The following B3GALT2 variants were observed in gnomAD, a reference collection of about 807,000 sequenced individuals.
The protein encoded by B3GALT2 is UDP-Gal:betaGlcNAc beta 1,3-galactosyltransferase, polypeptide 2.
Under a neutral mutation model 33.5 loss-of-function variants are expected in B3GALT2, and 13 were observed. The observed-to-expected ratio is 0.39, with a 90% CI of 0.25 to 0.62. The LOEUF is 0.62. Among genes scored for constraint, B3GALT2 ranks in the 20% least tolerant of loss-of-function variants. The pLI, the probability that B3GALT2 is intolerant of heterozygous loss-of-function variation, is 0.53. For synonymous variants in B3GALT2, 195 were observed against 172.7 expected (o/e 1.13, Z -1.01); for missense variants, 418 against 509.1 (o/e 0.82, Z 1.72).
chr1:193,182,548 T>C (rs1676734877), intron 1 of B3GALT2, among the ~76,000 whole-genome samples: 1 of 152,178 alleles, frequency 6.6e-6, no homozygotes, highest in Non-Finnish European at 1.5e-5. Context: ...TTTTTAAATA[T>C]CCTTGAGTTG....
At position 193,180,217 on chromosome 1, in the gene B3GALT2, A is replaced by G; in HGVS notation, c.*77T>C. On this transcript the variant is annotated 3_prime_UTR_variant, in exon 2 of 2. Transcript: ENST00000367434. ...ATGAGTTTTAACTAAAACTTGTCCT[A>G]CGGATGTAATCAGTTCTAACTATAC... 1 of 1,279,990 alleles carries G rather than the reference A, an allele frequency of 7.8e-7. No individual in the cohort carries two copies. The highest frequency in any genetic ancestry group is 1.0e-6 in the Non-Finnish European group (1 of 954,424). 79.3% of individuals were successfully genotyped at this position (1,279,990 alleles called of 1,614,324 possible). A position where few individuals can be genotyped will look rare whatever the true frequency, so the allele number is the denominator to read the frequency against.
At chr1:193,184,639 A>G (rs1258177659) in intron 1 of B3GALT2, among the ~76,000 whole-genome samples, 6 of 151,934 alleles carry the variant, frequency 3.9e-5, no homozygotes, top group Non-Finnish European at 5.9e-5. Context: ...AGAAAAACTT[A>G]CACTTTTGTT....
At position 193,186,462 on chromosome 1, in the gene B3GALT2, T is replaced by C. The variant is rs1676809284; in HGVS notation, c.-564A>G. ...CCAGAGCTAAAATGTAGTGCTTCAG[T>C]TGTATTGGAAAAGAATAGGATTTAC... On this transcript the variant is annotated 5_prime_UTR_variant, in exon 1 of 2. Coordinates refer to ENST00000367434, the MANE Select transcript of B3GALT2 (RefSeq NM_003783.3). 1 of 152,438 alleles carries C rather than the reference T, an allele frequency of 6.6e-6. No individual in the cohort carries two copies. The highest frequency in any genetic ancestry group is 2.4e-5 in the African/African-American group (1 of 41,398). 9.4% of individuals were successfully genotyped at this position (152,438 alleles called of 1,614,324 possible). A position where few individuals can be genotyped will look rare whatever the true frequency, so the allele number is the denominator to read the frequency against.
intron 1 of B3GALT2, among the ~76,000 whole-genome samples, chr1:193,184,276 AT>A (rs1015132094): frequency 1.3e-5 from 2 of 151,864 alleles, no homozygotes; most frequent in African/African-American, 2.4e-5. Flanking sequence ...GGTCTTATAA[AT>A]TTTTTTGTTA....
Position 193,181,583 on chromosome 1 carries a change from G to A in B3GALT2, c.-21C>T, listed in dbSNP as rs747218269. On this transcript the variant is annotated 5_prime_UTR_variant, in exon 2 of 2. Coordinates refer to ENST00000367434, the MANE Select transcript of B3GALT2 (RefSeq NM_003783.3). ...AGCATGTTGTAAATATCCAGTAGTG[G>A]TATATGAGAGATTGGTGACCAAAAA... 16 of 1,537,300 alleles carry A rather than the reference G, an allele frequency of 1.0e-5. No homozygotes were observed. The highest frequency in any genetic ancestry group is 1.4e-5 in the Non-Finnish European group (16 of 1,146,672).
Position 193,180,708 on chromosome 1 carries a change from T to G in B3GALT2, c.855A>C (p.Gly285=). 6.2e-7 allele frequency: 1 copy of G among 1,614,134 alleles called. No individual in the cohort carries two copies. The highest frequency in any genetic ancestry group is 1.1e-5 in the South Asian group (1 of 91,084). Residue 285 remains glycine, a synonymous_variant, in exon 2 of 2, where the codon GGA becomes GGC. Transcript: ENST00000367434. ...TATCTTTGTTTCGATTGGGTGCATA[T>G]CCTCGCATTAGGTAACCAGTGAAAT... The part of the protein sequence containing the change: ...HNYFTGYLMR[G]YAPNRNKDSK...
intron 1 of B3GALT2, among the ~76,000 whole-genome samples, chr1:193,183,022 TGA>T (rs752687787): frequency 3.3e-5 from 5 of 152,022 alleles, no homozygotes; most frequent in East Asian, 1.9e-4. Context: ...CCTGTGATAA[TGA>T]GAGAGTCATG....
At chr1:193,184,974 C>CTT (rs915191973) in intron 1 of B3GALT2, among the ~76,000 whole-genome samples, 1 of 151,912 alleles carries the variant, frequency 6.6e-6, no homozygotes, top group Non-Finnish European at 1.5e-5. Context: ...TTAGAAATAT[C>CTT]TTTAAGTTCT....
chr1:193,181,073 T>C lies in B3GALT2; in HGVS notation c.490A>G (p.Ile164Val), dbSNP rs1364767149. ...ILLIAAEPGQ[I>V]EARRAIRQTW... is the part of the protein sequence containing the mutation. ...TGCCGAATAGCTCTTCTAGCTTCTA[T>C]TTGTCCAGGCTCTGCAGCTATTAGT... Residue 164 changes from isoleucine to valine, a missense_variant, in exon 2 of 2, where the codon ATA becomes GTA. Physicochemically the swap from Ile to Val is conservative, Grantham distance 29 (BLOSUM62 3). Around this residue, in one of 3 missense-constraint regions of B3GALT2, gnomAD observed 188 missense variants for 197.5 expected, o/e 0.95. Transcript: ENST00000367434. The C allele has an allele frequency of 1.2e-6, 2 of 1,613,958 alleles. No homozygotes were observed. The highest frequency in any genetic ancestry group is 4.5e-5 in the East Asian group (2 of 44,904).
intron 1 of B3GALT2, among the ~76,000 whole-genome samples, chr1:193,182,520 T>C (rs1288535481): frequency 6.6e-6 from 1 of 152,192 alleles, no homozygotes; most frequent in African/African-American, 2.4e-5. Flanking sequence ...TTTAAAATTC[T>C]GAATTTCACA....
rs979150081 is a variant in B3GALT2, at chr1:193,186,610, A to T, written c.-712T>A. ...GCTGCACAGGCAGGCAGCAGTTTAA[A>T]TGTGGGCTTGACAGATGCTCTCTCT... On this transcript the variant is annotated 5_prime_UTR_variant, in exon 1 of 2. Transcript: ENST00000367434. 6.6e-6 allele frequency: 1 copy of T among 152,156 alleles called. No individual in the cohort carries two copies. Among genetic ancestry groups the T allele is most frequent in the Non-Finnish European group, 1.5e-5 (1 of 68,036 alleles). 9.4% of individuals were successfully genotyped at this position (152,156 alleles called of 1,614,324 possible). A position where few individuals can be genotyped will look rare whatever the true frequency, so the allele number is the denominator to read the frequency against.
rs555301765 is a variant in B3GALT2, at chr1:193,179,044, G to A, written c.*1250C>T. On this transcript the variant is annotated 3_prime_UTR_variant, in exon 2 of 2. Coordinates refer to ENST00000367434, the MANE Select transcript of B3GALT2 (RefSeq NM_003783.3). ...ATTGTGAAAATACTTATAACACTCA[G>A]TAAAGTTTTTTGTTTTCCTTTATTT... is the stretch of plus-strand genomic sequence containing the variant. The A allele has an allele frequency of 6.6e-6, 1 of 152,126 alleles. No homozygotes were observed. The allele number at this position is 152,126 out of a possible 1,614,324, so 9.4% of individuals were successfully genotyped here. A position where few individuals can be genotyped will look rare whatever the true frequency, so the allele number is the denominator to read the frequency against.
Position 193,179,835 on chromosome 1 carries a change from A to G in B3GALT2, c.*459T>C, listed in dbSNP as rs1301572698. 6.6e-6 allele frequency: 1 copy of G among 152,650 alleles called. No individual in the cohort carries two copies. The highest frequency in any genetic ancestry group is 1.9e-4 in the East Asian group (1 of 5,208). 9.5% of individuals were successfully genotyped at this position (152,650 alleles called of 1,614,324 possible). Reference sequence around the variant, plus strand: ...GCATTTAGAACCCTAAAATAGGTCAAAAAATTTATCCTTTGCACAATTAAA... The same window carrying G: ...GCATTTAGAACCCTAAAATAGGTCAGAAAATTTATCCTTTGCACAATTAAA... On this transcript the variant is annotated 3_prime_UTR_variant, in exon 2 of 2. Transcript: ENST00000367434.
Position 193,179,056 on chromosome 1 carries a change from G to A in B3GALT2, c.*1238C>T, listed in dbSNP as rs189295190. ...CTTATAACACTCAGTAAAGTTTTTTGTTTTCCTTTATTTTTAAAAACTTCA... is the reference window on the plus strand; with the variant it reads ...CTTATAACACTCAGTAAAGTTTTTTATTTTCCTTTATTTTTAAAAACTTCA... On this transcript the variant is annotated 3_prime_UTR_variant, in exon 2 of 2. Transcript: ENST00000367434. 3.7e-4 allele frequency: 56 copies of A among 152,116 alleles called. No individual in the cohort carries two copies. The highest frequency in any genetic ancestry group is 1.2e-3 in the African/African-American group (51 of 41,530). The allele number at this position is 152,116 out of a possible 1,614,324, so 9.4% of individuals were successfully genotyped here. A position where few individuals can be genotyped will look rare whatever the true frequency, so the allele number is the denominator to read the frequency against.
Position 193,179,203 on chromosome 1 carries a change from T to C in B3GALT2, c.*1091A>G, listed in dbSNP as rs1676665758. 1 of 152,288 alleles carries C rather than the reference T, an allele frequency of 6.6e-6. No homozygotes were observed. The highest frequency in any genetic ancestry group is 1.9e-4 in the East Asian group (1 of 5,180). 9.4% of individuals were successfully genotyped at this position (152,288 alleles called of 1,614,324 possible). On this transcript the variant is annotated 3_prime_UTR_variant, in exon 2 of 2. Coordinates refer to ENST00000367434, the MANE Select transcript of B3GALT2 (RefSeq NM_003783.3). Reference sequence around the variant, plus strand: ...TCAGAATATTTGTCATCTACCAAATTAAAAACTGCAGGTTTGCAAACTTGG... The same window carrying C: ...TCAGAATATTTGTCATCTACCAAATCAAAAACTGCAGGTTTGCAAACTTGG...
In B3GALT2 at chr1:193,180,982, C is replaced by T. The variant is rs565990439; in HGVS notation, c.581G>A (p.Ser194Asn). The change falls in exon 2 of 2, where the codon AGT becomes AAT. Residue 194 changes from serine to asparagine, a missense_variant. Ser to Asn is a conservative substitution (Grantham distance 46). Coordinates refer to ENST00000367434, the MANE Select transcript of B3GALT2 (RefSeq NM_003783.3). ...TTGAAGGTAGCCATTTAGCTTAATA[C>T]TTAAGCCCAACAAAAATATTCTTGT... is the stretch of plus-strand genomic sequence containing the variant. ...QITRIFLLGL[S>N]IKLNGYLQRA... The T allele has an allele frequency of 6.2e-7, 1 of 1,613,464 alleles. No homozygotes were observed. Among genetic ancestry groups the T allele is most frequent in the South Asian group, 1.1e-5 (1 of 91,072 alleles).
chr1:193,182,987 T>C (rs1676743648), intron 1 of B3GALT2, among the ~76,000 whole-genome samples: 1 of 152,058 alleles, frequency 6.6e-6, no homozygotes, highest in African/African-American at 2.4e-5. Context: ...TTACAGTGTA[T>C]GCATAAATAC....
In B3GALT2 at chr1:193,181,440, C is replaced by G. The variant is rs760883919; in HGVS notation, c.123G>C (p.Leu41Phe). The G allele has an allele frequency of 1.9e-6, 3 of 1,613,930 alleles. No individual in the cohort carries two copies. Among genetic ancestry groups the G allele is most frequent in the Non-Finnish European group, 2.5e-6 (3 of 1,179,894 alleles). The change falls in exon 2 of 2, where the codon TTG becomes TTC. Residue 41 changes from leucine (L) to phenylalanine (F), a missense_variant. Physicochemically the swap from Leu to Phe is conservative, Grantham distance 22 (BLOSUM62 0). This residue lies in a region of B3GALT2 where 188 missense variants were observed against 197.5 expected (regional missense o/e 0.95). Transcript: ENST00000367434. ...LSLVFLFAMFLFFNHHDWLPG... is the reference protein window; with the variant it reads ...LSLVFLFAMFFFFNHHDWLPG... Reference sequence around the variant, plus strand: ...GCAGCCAGTCATGATGATTGAAAAACAAAAACATAGCAAAAAGAAACACTA... The same window carrying G: ...GCAGCCAGTCATGATGATTGAAAAAGAAAAACATAGCAAAAAGAAACACTA...
chr1:193,183,938 C>G (rs920336399), intron 1 of B3GALT2, among the ~76,000 whole-genome samples: 1 of 151,558 alleles, frequency 6.6e-6, no homozygotes, highest in Non-Finnish European at 1.5e-5. Context: ...AGTTAAAGGA[C>G]TGAGTAAATA....
Sources: allele counts gnomAD v4.1 joint callset (sites outside exome capture counted in the v4.1 genomes callset), GRCh38; gene constraint gnomAD v4.1.1; regional missense constraint gnomAD v4.1.1; transcripts MANE v1.5; gene names NCBI Gene and HGNC (gene_info 2026-07-23, HGNC 2026-07-21).